ATP10B: variants seen among roughly 807,000 people sequenced by gnomAD.
ATP10B encodes phospholipid-transporting ATPase VB.
Under a neutral mutation model 141.2 loss-of-function variants are expected in ATP10B, and 122 were observed. The ratio of observed to expected loss-of-function variants is 0.86; its 90% CI spans 0.75 to 1.00. The LOEUF (loss-of-function observed/expected upper bound fraction) is 1.00. Among genes scored for constraint, ATP10B ranks in the 50% least tolerant of loss-of-function variants. The pLI, the probability that ATP10B is intolerant of heterozygous loss-of-function variation, is 0.00. For synonymous variants in ATP10B, 685 were observed against 692.0 expected, an observed-to-expected ratio of 0.99 and a Z score of 0.16; for missense variants, 1,876 against 1,825.3, an observed-to-expected ratio of 1.03 and a Z score of -0.51.
At chr5:160,694,567 T>C (rs1271923780) in intron 3 of ATP10B, among the ~76,000 whole-genome samples, 4 of 152,152 alleles carry the variant, frequency 2.6e-5, no homozygotes, top group African/African-American at 4.8e-5. Context: ...AGGAATTCTG[T>C]TTCTCTCTCC....
Position 160,612,769 on chromosome 5 carries a change from G to A in ATP10B, c.2810C>T (p.Thr937Ile), listed in dbSNP as rs1473922280. 1.9e-6 allele frequency: 3 copies of A among 1,613,830 alleles called. No homozygotes were observed. The highest frequency in any genetic ancestry group is 2.7e-5 in the African/African-American group (2 of 74,884). The change falls in exon 18 of 26, where the codon ACT (threonine) becomes ATT (isoleucine). Residue 937 changes from threonine (T) to isoleucine (I), a missense_variant. Thr to Ile is a moderately conservative substitution (Grantham distance 89). Coordinates refer to ENST00000327245, the MANE Select transcript of ATP10B (RefSeq NM_025153.3). ...ATTCTCTGTATTGATGGTATAAACA[G>A]TGTCGGTCTGATTTAACAGTCTGCA... is the stretch of plus-strand genomic sequence containing the variant. ...HSCRLLNQTDTVYTINTENQE... is the reference protein window; with the variant it reads ...HSCRLLNQTDIVYTINTENQE...
At chr5:160,792,787 T>A (rs953864245) in intron 1 of ATP10B, among the ~76,000 whole-genome samples, 17 of 152,206 alleles carry the variant, frequency 1.1e-4, no homozygotes, top group African/African-American at 3.4e-4. Flanking sequence ...TTCATCCACA[T>A]GATCAATGTA....
Position 160,689,035 on chromosome 5 carries a change from C to T in ATP10B, c.-204-92G>A, listed in dbSNP as rs928852424. ...CATCAAAAAGCTTGTCCACCACCAT[C>T]GAGTCAGCTTCATCCCTGGGATGCA... On this transcript the variant is annotated intron_variant, in intron 3 of 25. Transcript: ENST00000327245. 1.5e-5 allele frequency: 10 copies of T among 646,586 alleles called. No homozygotes were observed. The Admixed American group carries it at 1.9e-4, about 12-fold the overall frequency. 40.1% of individuals were successfully genotyped at this position (646,586 alleles called of 1,614,324 possible). A position where few individuals can be genotyped will look rare whatever the true frequency, so the allele number is the denominator to read the frequency against.
chr5:160,773,235 A>T (rs530169452), intron 2 of ATP10B, among the ~76,000 whole-genome samples: 82 of 152,312 alleles, frequency 5.4e-4, no homozygotes, highest in African/African-American at 1.9e-3. Flanking sequence ...TTCCTCAGAC[A>T]TGTTGAAAAA....
intron 7 of ATP10B, among the ~76,000 whole-genome samples, chr5:160,653,787 T>C (rs1343906866): frequency 4.8e-5 from 6 of 124,184 alleles, no homozygotes; most frequent in Admixed American, 9.1e-5. Context: ...TATACATATA[T>C]ATTATATAGA....
chr5:160,732,649 TG>T (rs1301722376), intron 2 of ATP10B, among the ~76,000 whole-genome samples: 3 of 152,210 alleles, frequency 2.0e-5, no homozygotes, highest in Non-Finnish European at 4.4e-5. Context: ...TTTGTTCCAT[TG>T]GTCTATGTGG....
At chr5:160,631,661 A>G (rs1758947998) in intron 13 of ATP10B, among the ~76,000 whole-genome samples, 1 of 152,264 alleles carries the variant, frequency 6.6e-6, no homozygotes. Flanking sequence ...CATAAGCATA[A>G]CAAATATTTC....
intron 2 of ATP10B, among the ~76,000 whole-genome samples, chr5:160,768,223 G>A (rs1462103423): frequency 1.3e-5 from 2 of 151,936 alleles, no homozygotes; most frequent in African/African-American, 4.8e-5. Context: ...AATCCTTTAC[G>A]CCTATTGCTT....
At position 160,834,044 on chromosome 5, in the gene ATP10B, G is replaced by T. The variant is rs143345969; in HGVS notation, c.-576+17897C>A. Among the ~76,000 whole-genome samples, 917 of 152,108 alleles carry T rather than the reference G, an allele frequency of 6.0e-3. 13 individuals carry two copies. Among genetic ancestry groups the T allele is most frequent in the African/African-American group, 0.021 (873 of 41,500 alleles). ...TGGTTGTTAAAATCATAACCAAAAG[G>T]CTGTGCATGGTGGCTCATGCCTATA... On this transcript the variant is annotated intron_variant, in intron 1 of 25. Transcript: ENST00000327245.
At chr5:160,738,066 A>G (rs1033085058) in intron 2 of ATP10B, among the ~76,000 whole-genome samples, 1 of 152,150 alleles carries the variant, frequency 6.6e-6, no homozygotes, top group Admixed American at 6.5e-5. Context: ...TAAATCTAAA[A>G]AGTCTGAAAT....
chr5:160,912,698 A>G, the ATP10B span, among the ~76,000 whole-genome samples: 2 of 151,990 alleles, frequency 1.3e-5, no homozygotes, highest in Non-Finnish European at 2.9e-5. Context: ...AAAAAGAAAA[A>G]AGAAAAGAGA....
the ATP10B span, among the ~76,000 whole-genome samples, chr5:160,912,531 G>A: frequency 2.0e-5 from 3 of 151,934 alleles, no homozygotes; most frequent in African/African-American, 7.2e-5. Context: ...CCTGGGAGGT[G>A]GAGGTTGCAG....
intron 2 of ATP10B, among the ~76,000 whole-genome samples, chr5:160,749,786 G>A (rs972190102): frequency 6.6e-6 from 1 of 152,154 alleles, no homozygotes; most frequent in Non-Finnish European, 1.5e-5. Flanking sequence ...GGGTAAGTAA[G>A]CATGTGTGTG....
chr5:160,899,090 C>A, the ATP10B span, among the ~76,000 whole-genome samples: 2 of 152,044 alleles, frequency 1.3e-5, no homozygotes, highest in Non-Finnish European at 2.9e-5. Context: ...ACATGTATAC[C>A]TGTTTAACAA....
intron 3 of ATP10B, among the ~76,000 whole-genome samples, chr5:160,700,783 C>A (rs1422464776): frequency 6.6e-6 from 1 of 152,090 alleles, no homozygotes; most frequent in African/African-American, 2.4e-5. Flanking sequence ...CAAGAAAGAT[C>A]CAACTGTCTA....
chr5:160,860,381 G>T, the ATP10B span, among the ~76,000 whole-genome samples: 1 of 151,874 alleles, frequency 6.6e-6, no homozygotes, highest in Admixed American at 6.6e-5. Flanking sequence ...TTACAGGACT[G>T]ATTCACTAAC....
chr5:160,916,599 A>G, the ATP10B span, among the ~76,000 whole-genome samples: 5 of 152,146 alleles, frequency 3.3e-5, no homozygotes, highest in Non-Finnish European at 5.9e-5. Context: ...TCATGACTCT[A>G]GGAGGTAAGT....
chr5:160,636,838 A>C (rs1759415911), intron 10 of ATP10B, among the ~76,000 whole-genome samples: 1 of 151,480 alleles, frequency 6.6e-6, no homozygotes, highest in African/African-American at 2.4e-5. Flanking sequence ...CAATTCTTCC[A>C]TCCACCCACT....
chr5:160,715,571 T>C (rs1482817554), intron 3 of ATP10B, among the ~76,000 whole-genome samples: 1 of 151,178 alleles, frequency 6.6e-6, no homozygotes, highest in Non-Finnish European at 1.5e-5. Context: ...AAATCACCCG[T>C]CTTCTGCGTC....
Sources: gnomAD v4.1 joint callset for allele counts (sites outside exome capture counted in the v4.1 genomes callset) on GRCh38, gnomAD v4.1.1 for gene constraint, MANE v1.5 for transcripts, NCBI Gene and HGNC (gene_info 2026-07-23, HGNC 2026-07-21) for gene names.